Variants in AUTS2 observed in about 807,000 individuals in gnomAD.
AUTS2 encodes activator of transcription and developmental regulator AUTS2.
A neutral mutation model predicts 112.4 loss-of-function variants in AUTS2; 17 were observed. The observed-to-expected ratio is 0.15, with a 90% confidence interval of 0.10 to 0.23. AUTS2 has a LOEUF of 0.23. Ranked by LOEUF, AUTS2 falls within the 10% of genes least tolerant of loss-of-function variation. The probability of loss-of-function intolerance (pLI) is 1.00; values close to 1 mark genes in which losing one functional copy is unlikely to be tolerated. For synonymous variants in AUTS2, 751 were observed against 702.7 expected (o/e 1.07, Z -1.09); for missense variants, 1,510 against 1,701.6 (o/e 0.89, Z 1.98).
intron 2 of AUTS2, among the ~76,000 whole-genome samples, chr7:69,902,211 T>C (rs1794997345): frequency 6.6e-6 from 1 of 152,130 alleles, no homozygotes. Context: ...ATGTGATCAT[T>C]GGTAAAAGGT....
intron 4 of AUTS2, among the ~76,000 whole-genome samples, chr7:70,207,575 G>A (rs994616176): frequency 7.9e-5 from 12 of 152,182 alleles, no homozygotes; most frequent in African/African-American, 2.9e-4. Flanking sequence ...GTGTAACTTT[G>A]TGATACTTAG....
intron 5 of AUTS2, among the ~76,000 whole-genome samples, chr7:70,454,000 G>T (rs1360770646): frequency 1.3e-5 from 2 of 152,314 alleles, no homozygotes; most frequent in East Asian, 3.9e-4. Flanking sequence ...GAAAAGCAAA[G>T]ATCTGGCAAA....
chr7:70,303,422 A>ACGCGCG (rs776005782), intron 4 of AUTS2, among the ~76,000 whole-genome samples: 25 of 125,750 alleles, frequency 2.0e-4, no homozygotes, highest in African/African-American at 7.0e-4. Flanking sequence ...GCACACACAC[A>ACGCGCG]CGCGCGCGCG....
At chr7:70,626,087 A>G (rs1286610413) in intron 5 of AUTS2, among the ~76,000 whole-genome samples, 3 of 151,824 alleles carry the variant, frequency 2.0e-5, no homozygotes, top group Admixed American at 2.0e-4. Context: ...TAATTTTTGT[A>G]TTTTTAGTAG....
At chr7:70,364,541 G>A (rs1398318517) in intron 4 of AUTS2, among the ~76,000 whole-genome samples, 1 of 147,760 alleles carries the variant, frequency 6.8e-6, no homozygotes, top group Non-Finnish European at 1.5e-5. Flanking sequence ...ACTCCAGCCT[G>A]GTGACAAAGC....
chr7:70,660,598 C>T (rs1010166601), intron 5 of AUTS2, among the ~76,000 whole-genome samples: 1 of 152,246 alleles, frequency 6.6e-6, no homozygotes, highest in African/African-American at 2.4e-5. Context: ...ACAGCCACTA[C>T]AGTTCCTTCC....
chr7:69,631,451 T>C (rs1183590893), intron 1 of AUTS2, among the ~76,000 whole-genome samples: 1 of 152,204 alleles, frequency 6.6e-6, no homozygotes, highest in Non-Finnish European at 1.5e-5. Flanking sequence ...ATATGGAAAA[T>C]AGTTATTTCG....
chr7:70,379,305 G>A (rs1585078485), intron 4 of AUTS2, among the ~76,000 whole-genome samples: 1 of 151,900 alleles, frequency 6.6e-6, no homozygotes, highest in East Asian at 1.9e-4. Context: ...GTTCGAGACC[G>A]GCCTGGCCAA....
intron 4 of AUTS2, among the ~76,000 whole-genome samples, chr7:70,422,958 A>G (rs1173926600): frequency 6.6e-6 from 1 of 152,078 alleles, no homozygotes; most frequent in Non-Finnish European, 1.5e-5. Context: ...TTTCACATAT[A>G]TGTATTGAGC....
chr7:69,671,768 T>G (rs2129156356), intron 1 of AUTS2, among the ~76,000 whole-genome samples: 2 of 152,312 alleles, frequency 1.3e-5, no homozygotes, highest in South Asian at 4.1e-4. Context: ...TAGAGGATAC[T>G]AGTTTTTAAG....
At chr7:70,688,784 A>G (rs1808598291) in intron 5 of AUTS2, among the ~76,000 whole-genome samples, 1 of 152,334 alleles carries the variant, frequency 6.6e-6, no homozygotes, top group Non-Finnish European at 1.5e-5. Context: ...TGATTGTGCC[A>G]CTGCACTCTA....
At chr7:70,139,246 C>T (rs1307802287) in intron 4 of AUTS2, among the ~76,000 whole-genome samples, 6 of 152,172 alleles carry the variant, frequency 3.9e-5, no homozygotes, top group African/African-American at 7.2e-5. Context: ...AGATTACAGG[C>T]GTGAGCCACC....
At chr7:70,707,734 G>A (rs749901177) in intron 6 of AUTS2, among the ~76,000 whole-genome samples, 108 of 152,184 alleles carry the variant, frequency 7.1e-4, no homozygotes, top group Non-Finnish European at 1.4e-3. Context: ...TTACTGCAGC[G>A]CAGTGGGGCT....
intron 4 of AUTS2, among the ~76,000 whole-genome samples, chr7:70,186,791 A>C (rs1448268038): frequency 6.6e-6 from 1 of 151,894 alleles, no homozygotes; most frequent in African/African-American, 2.4e-5. Context: ...CTGGTCCTGA[A>C]CTCCTGACCT....
At chr7:70,787,071 C>T (rs1290170570) in intron 17 of AUTS2, 138 bp from the exon 18 acceptor site, 2 of 825,476 alleles carry the variant, frequency 2.4e-6, no homozygotes, top group East Asian at 2.7e-5. Flanking sequence ...TTGTTAATCT[C>T]CTTTCCTTTT....
At chr7:70,299,830 T>TAA (rs11395113) in intron 4 of AUTS2, among the ~76,000 whole-genome samples, 1,859 of 147,734 alleles carry the variant, frequency 0.013, 46 homozygotes, top group African/African-American at 0.04. Flanking sequence ...TTTTTTCCTT[T>TAA]AAAAAAAAAA....
At chr7:69,658,741 T>C (rs888664772) in intron 1 of AUTS2, among the ~76,000 whole-genome samples, 9 of 152,222 alleles carry the variant, frequency 5.9e-5, no homozygotes, top group African/African-American at 2.2e-4. Context: ...TATAATGCAT[T>C]ATTTCTTATA....
chr7:70,203,055 A>G (rs548213425), intron 4 of AUTS2, among the ~76,000 whole-genome samples: 177 of 146,280 alleles, frequency 1.2e-3, no homozygotes, highest in African/African-American at 4.3e-3. Context: ...AGGGACATGG[A>G]TGAAATTGGA....
chr7:70,486,831 C>CTGGTGGTGG (rs1203194951), intron 5 of AUTS2, among the ~76,000 whole-genome samples: 2 of 149,172 alleles, frequency 1.3e-5, no homozygotes, highest in African/African-American at 2.5e-5. Context: ...GGTGGTGGTG[C>CTGGTGGTGG]TGGTGGTGGT....
Sources: allele counts gnomAD v4.1 joint callset (sites outside exome capture counted in the v4.1 genomes callset), GRCh38; gene constraint gnomAD v4.1.1; transcripts MANE v1.5; gene names NCBI Gene and HGNC (gene_info 2026-07-23, HGNC 2026-07-21).